The following JMJD1C variants were observed in gnomAD, a reference collection of about 807,000 sequenced individuals.
JMJD1C encodes the protein jumonji domain containing 1C.
A neutral mutation model predicts 245.3 loss-of-function variants in JMJD1C; 31 were observed. The observed-to-expected ratio is 0.13, with a 90% confidence interval of 0.09 to 0.17. The LOEUF (loss-of-function observed/expected upper bound fraction) is 0.17, where lower values mean the gene tolerates loss of function less well. JMJD1C is among the 10% of genes least tolerant of loss of function. The probability of loss-of-function intolerance (pLI) is 1.00; values close to 1 mark genes in which losing one functional copy is unlikely to be tolerated. For missense variants in JMJD1C, 2,691 were observed against 3,000.2 expected, an observed-to-expected ratio of 0.90 and a Z score of 2.41; for synonymous variants, 1,057 against 1,017.4, an observed-to-expected ratio of 1.04 and a Z score of -0.74.
intron 2 of JMJD1C, among the ~76,000 whole-genome samples, chr10:63,304,983 T>A (rs1330250686): frequency 6.6e-6 from 1 of 151,974 alleles, no homozygotes; most frequent in East Asian, 1.9e-4. Context: ...AAAAGTATTT[T>A]AAAATATAAA....
chr10:63,215,717 AAAAC>A, intron 5 of JMJD1C, 21 bp from the exon 6 acceptor site: 1 of 1,493,894 alleles, frequency 6.7e-7, no homozygotes, highest in Non-Finnish European at 9.0e-7. Context: ...ATACAAAACA[AAAAC>A]AAAAATTAAA....
intron 2 of JMJD1C, among the ~76,000 whole-genome samples, chr10:63,324,695 A>T (rs1262125909): frequency 6.6e-6 from 1 of 152,224 alleles, no homozygotes; most frequent in Non-Finnish European, 1.5e-5. Context: ...TGAGTGTAGA[A>T]ATGGCAATAA....
chr10:63,385,445 CT>C (rs1359056975), intron 1 of JMJD1C, among the ~76,000 whole-genome samples: 6 of 73,244 alleles, frequency 8.2e-5, no homozygotes, highest in Non-Finnish European at 1.2e-4. Flanking sequence ...TTTTTTTTTG[CT>C]TTTTTTTAAG....
chr10:63,265,295 A>C (rs967229748), intron 2 of JMJD1C, among the ~76,000 whole-genome samples: 1 of 151,336 alleles, frequency 6.6e-6, no homozygotes, highest in African/African-American at 2.4e-5. Context: ...CACAGATAAA[A>C]ATCCCGCAGC....
At chr10:63,196,898 G>A (rs1180022991) in intron 13 of JMJD1C, among the ~76,000 whole-genome samples, 1 of 152,132 alleles carries the variant, frequency 6.6e-6, no homozygotes, top group Non-Finnish European at 1.5e-5. Context: ...CTGGGTTCAG[G>A]TGATCCTCCC....
intron 1 of JMJD1C, among the ~76,000 whole-genome samples, chr10:63,454,455 A>G (rs1160737282): frequency 4.0e-5 from 6 of 150,814 alleles, no homozygotes; most frequent in African/African-American, 1.5e-4. Flanking sequence ...ATGGAATCTC[A>G]CTCTGTTGCC....
chr10:63,199,123 CAGG>C (rs1845754374), intron 11 of JMJD1C, among the ~76,000 whole-genome samples: 1 of 152,034 alleles, frequency 6.6e-6, no homozygotes, highest in Admixed American at 6.5e-5. Context: ...AGACTTTCAC[CAGG>C]AGGACTTTAA....
At chr10:63,441,277 C>T (rs368313243) in intron 1 of JMJD1C, among the ~76,000 whole-genome samples, 80 of 152,198 alleles carry the variant, frequency 5.3e-4, no homozygotes, top group African/African-American at 1.9e-3. Flanking sequence ...TTACTGGGAC[C>T]TAGTATAACA....
At chr10:63,173,739 G>GAA (rs75536489) in intron 24 of JMJD1C, among the ~76,000 whole-genome samples, 11 of 147,682 alleles carry the variant, frequency 7.4e-5, no homozygotes, top group Non-Finnish European at 1.2e-4. Context: ...ATGGAAAAAT[G>GAA]AAAAAAAAAT....
intron 2 of JMJD1C, among the ~76,000 whole-genome samples, chr10:63,270,504 T>C (rs1436728381): frequency 6.6e-6 from 1 of 152,050 alleles, no homozygotes; most frequent in East Asian, 1.9e-4. Context: ...TTTTGCTCTG[T>C]TGCCCAGGCT....
At position 63,214,202 on chromosome 10, in the gene JMJD1C, A is replaced by T; in HGVS notation, c.1965T>A (p.Ser655=). 5.6e-6 allele frequency: 9 copies of T among 1,614,066 alleles called. No homozygotes were observed. The highest frequency in any genetic ancestry group is 7.6e-6 in the Non-Finnish European group (9 of 1,180,004). The change falls in exon 8 of 26, where the codon TCT becomes TCA. Residue 655 remains serine (S), a synonymous_variant. Transcript: ENST00000399262. The part of the protein sequence containing the change: ...VKPKITHSPD[S]VKSKATYVNS... ...TCACATAAGTGGCCTTAGACTTTACAGAATCAGGAGAATGAGTTATTTTGG... is the reference window on the plus strand; with the variant it reads ...TCACATAAGTGGCCTTAGACTTTACTGAATCAGGAGAATGAGTTATTTTGG...
intron 2 of JMJD1C, among the ~76,000 whole-genome samples, chr10:63,330,210 G>A (rs188981027): frequency 5.3e-4 from 80 of 152,204 alleles, no homozygotes; most frequent in African/African-American, 1.8e-3. Flanking sequence ...CCCTAAGCAC[G>A]TTTAAAGGTA....
chr10:63,429,942 G>A (rs554467751), intron 1 of JMJD1C, among the ~76,000 whole-genome samples: 1 of 152,200 alleles, frequency 6.6e-6, no homozygotes, highest in African/African-American at 2.4e-5. Flanking sequence ...TGTAAACAGG[G>A]AAGTAAGCTC....
chr10:63,493,561 C>T (rs910298961), intron 1 of JMJD1C, among the ~76,000 whole-genome samples: 4 of 152,018 alleles, frequency 2.6e-5, no homozygotes, highest in Non-Finnish European at 2.9e-5. Flanking sequence ...GGATTACAGG[C>T]GTGAGCCACC....
intron 2 of JMJD1C, among the ~76,000 whole-genome samples, chr10:63,373,524 G>A (rs921938287): frequency 1.3e-4 from 20 of 152,152 alleles, no homozygotes; most frequent in African/African-American, 4.3e-4. Context: ...AGGTAGACAA[G>A]ATAACGTAAC....
At chr10:63,427,322 G>T in intron 1 of JMJD1C, 1 of 1,018,382 alleles carries the variant, frequency 9.8e-7, no homozygotes, top group Admixed American at 2.0e-5. Flanking sequence ...CTGGGCCAGG[G>T]CGTGCTCCAG....
intron 1 of JMJD1C, among the ~76,000 whole-genome samples, chr10:63,459,316 GGACCTACAGTTATTTATCT>G (rs1477898859): frequency 6.6e-5 from 10 of 152,102 alleles, no homozygotes; most frequent in African/African-American, 2.4e-4. Context: ...AAAGAATAGT[GGACCTACAGTTATTTATCT>G]GACCAACACT....
intron 2 of JMJD1C, among the ~76,000 whole-genome samples, chr10:63,341,094 C>T (rs543821699): frequency 4.6e-5 from 7 of 152,254 alleles, no homozygotes; most frequent in African/African-American, 9.6e-5. Flanking sequence ...TGAACAAATG[C>T]CACTTAATGG....
chr10:63,403,738 ATCAACC>A (rs1284600877), intron 1 of JMJD1C, among the ~76,000 whole-genome samples: 1 of 152,224 alleles, frequency 6.6e-6, no homozygotes, highest in African/African-American at 2.4e-5. Flanking sequence ...GGAGTTTGAG[ATCAACC>A]TGGCCAATAT....
Sources: gnomAD v4.1 joint callset for allele counts (sites outside exome capture counted in the v4.1 genomes callset) on GRCh38, gnomAD v4.1.1 for gene constraint, MANE v1.5 for transcripts, NCBI Gene and HGNC (gene_info 2026-07-23, HGNC 2026-07-21) for gene names.